Variants in MOBP observed in about 807,000 individuals in gnomAD.
MOBP encodes the protein myelin-associated oligodendrocyte basic protein.
MOBP carries 5 observed loss-of-function variants against 15.0 expected under a neutral mutation model. The ratio of observed to expected loss-of-function variants is 0.33; its 90% CI spans 0.17 to 0.70. The LOEUF is 0.70. Among genes scored for constraint, MOBP ranks in the 30% least tolerant of loss-of-function variants. The pLI, the probability that MOBP is intolerant of heterozygous loss-of-function variation, is 0.67. For missense variants in MOBP, 188 were observed against 257.8 expected (o/e 0.73, Z 1.85); for synonymous variants, 88 against 99.0 (o/e 0.89, Z 0.66).
At chr3:39,517,932 T>C (rs2043223056), downstream of MOBP, 1 of 152,216 alleles carries the variant, frequency 6.6e-6, no homozygotes, top group Non-Finnish European at 1.5e-5. Context: ...ATAAACGACA[T>C]TGGTAAACAT....
At chr3:39,492,989 T>C (rs530349387) in intron 2 of MOBP, among the ~76,000 whole-genome samples, 1 of 152,356 alleles carries the variant, frequency 6.6e-6, no homozygotes, top group African/African-American at 2.4e-5. Context: ...CTTCCTGTGA[T>C]ACCATGCAGA....
At chr3:39,525,870 A>G (rs1293407998), downstream of MOBP, 7 of 152,330 alleles carry the variant, frequency 4.6e-5, no homozygotes, top group Non-Finnish European at 7.3e-5. Context: ...AGAAATTCCA[A>G]TATAAAGGCA....
intron 1 of MOBP, among the ~76,000 whole-genome samples, chr3:39,474,646 C>T (rs1002953472): frequency 6.6e-6 from 1 of 152,124 alleles, no homozygotes; most frequent in Non-Finnish European, 1.5e-5. Context: ...CCATTTTTCC[C>T]TAATTGCTTC....
intron 2 of MOBP, among the ~76,000 whole-genome samples, chr3:39,497,355 A>C (rs1370089743): frequency 6.6e-6 from 1 of 152,056 alleles, no homozygotes; most frequent in Non-Finnish European, 1.5e-5. Context: ...TGTTTCCCCA[A>C]CTTTCAGTCT....
At chr3:39,499,833 CG>C (rs1559423244) in intron 2 of MOBP, 1 of 344,994 alleles carries the variant, frequency 2.9e-6, no homozygotes, top group East Asian at 7.9e-5. Flanking sequence ...TGAGGGCTCT[CG>C]GGGGTAATGC....
In MOBP at chr3:39,502,986, C is replaced by A; in HGVS notation, c.*106C>A. The stretch of plus-strand genomic sequence containing the variant: ...GCCCTCTTCAGCCTTATTACCCAAC[C>A]TGTGTAATCAGCTCCCTCCATTAAA... On this transcript the variant is annotated 3_prime_UTR_variant, in exon 4 of 4. Transcript: ENST00000684792. The surrounding 1 kb of genome is among the most constrained non-coding windows in gnomAD (Gnocchi z 6.3). 1.7e-6 allele frequency: 1 copy of A among 603,708 alleles called. No homozygotes were observed. Among genetic ancestry groups the A allele is most frequent in the South Asian group, 2.1e-5 (1 of 47,148 alleles). 37.4% of individuals were successfully genotyped at this position (603,708 alleles called of 1,614,324 possible).
At chr3:39,504,684 A>G (rs1351519196), downstream of MOBP, among the ~76,000 whole-genome samples, 1 of 152,248 alleles carries the variant, frequency 6.6e-6, no homozygotes, top group East Asian at 1.9e-4. Flanking sequence ...TTAGATTCCC[A>G]AAGGTCTTCA....
chr3:39,509,414 T>G (rs558001655), intron 4 of MOBP, among the ~76,000 whole-genome samples: 86 of 152,306 alleles, frequency 5.6e-4, no homozygotes, highest in African/African-American at 1.9e-3. Context: ...CTGATAGGTA[T>G]GTAATGGTAT....
intron 2 of MOBP, among the ~76,000 whole-genome samples, chr3:39,495,105 A>G (rs1016458350): frequency 6.6e-6 from 1 of 152,150 alleles, no homozygotes; most frequent in Non-Finnish European, 1.5e-5. Context: ...GCACATTTTT[A>G]TCCTCACTAG....
At chr3:39,468,795 T>TACAC (rs10675541) in intron 1 of MOBP, among the ~76,000 whole-genome samples, 1 of 104,512 alleles carries the variant, frequency 9.6e-6, no homozygotes, top group African/African-American at 5.5e-5. Context: ...CATGTGTGTG[T>TACAC]ATATATACAT....
rs138776423 is a variant in MOBP at position 39,492,961 on chromosome 3, A to ACC, written c.-4-9103_-4-9102dup. ...CTACCCTTCATTCTGCAAACTCTAT[A>ACC]CCCGTTTGCATGTCTGACTTCCTGT... On this transcript the variant is annotated intron_variant, in intron 2 of 3. Transcript: ENST00000684792. 5.6e-3 allele frequency among the ~76,000 whole-genome samples: 849 copies of ACC among 152,250 alleles called. 5 individuals are homozygous for ACC. The highest frequency in any genetic ancestry group is 0.019 in the African/African-American group (800 of 41,542).
Position 39,508,083 on chromosome 3 carries a change from G to A in MOBP, c.620+5207G>A, listed in dbSNP as rs141149456. Among the ~76,000 whole-genome samples, 121 of 152,292 alleles carry A rather than the reference G, an allele frequency of 7.9e-4. 1 individual carries two copies. Among genetic ancestry groups the A allele is most frequent in the African/African-American group, 2.7e-3 (112 of 41,566 alleles). ...ACTGGAGAACAGCACACAGCAGGAC[G>A]ATAGTAGCTGGGTATAAGCAGAATT... On this transcript the variant is annotated intron_variant, in intron 4 of 4. Transcript: ENST00000311042.
rs1021270903 is a variant in MOBP at position 39,482,115 on chromosome 3, C to T, written c.-5+1992C>T. Among the ~76,000 whole-genome samples, 10 of 152,188 alleles carry T rather than the reference C, an allele frequency of 6.6e-5. 1 individual carries two copies. In the South Asian group the frequency reaches 1.0e-3, roughly 16 times the overall value. On this transcript the variant is annotated intron_variant, in intron 2 of 3. Transcript: ENST00000684792. ...AAAGTGAACTCATGCTTCTGTTTTTCGCCCAAACCTTCTTTTTCTCTAGTA... is the reference window on the plus strand; with the variant it reads ...AAAGTGAACTCATGCTTCTGTTTTTTGCCCAAACCTTCTTTTTCTCTAGTA...
At position 39,503,005 on chromosome 3, in the gene MOBP, C is replaced by A; in HGVS notation, c.*125C>A. On this transcript the variant is annotated 3_prime_UTR_variant, in exon 4 of 4. Transcript: ENST00000684792. The stretch of plus-strand genomic sequence containing the variant: ...CCCAACCTGTGTAATCAGCTCCCTC[C>A]ATTAAATCCCCTCTGTTTGAAATAC... 1 of 576,462 alleles carries A rather than the reference C, an allele frequency of 1.7e-6. No individual in the cohort carries two copies. The highest frequency in any genetic ancestry group is 3.0e-6 in the Non-Finnish European group (1 of 330,090). 35.7% of individuals were successfully genotyped at this position (576,462 alleles called of 1,614,324 possible).
intron 1 of MOBP, among the ~76,000 whole-genome samples, chr3:39,472,594 G>A (rs2042486818): frequency 6.6e-6 from 1 of 152,168 alleles, no homozygotes; most frequent in African/African-American, 2.4e-5. Context: ...ATCCTGGAGT[G>A]AAAAATGAGG....
downstream of MOBP, chr3:39,528,505 A>G (rs2043358239): frequency 6.6e-6 from 1 of 152,256 alleles, no homozygotes; most frequent in Non-Finnish European, 1.5e-5. Context: ...GATGAAATAA[A>G]ATTGCCTGAA....
chr3:39,504,801 A>G (rs541870240), downstream of MOBP, among the ~76,000 whole-genome samples: 8 of 152,368 alleles, frequency 5.3e-5, no homozygotes, highest in African/African-American at 1.9e-4. Flanking sequence ...GTGATGGGAA[A>G]TATTTGCTCT....
chr3:39,475,845 A>G (rs905647944), intron 1 of MOBP, among the ~76,000 whole-genome samples: 7 of 152,178 alleles, frequency 4.6e-5, no homozygotes, highest in South Asian at 2.1e-4. Flanking sequence ...TTAATGAGCC[A>G]TGGTTCCTTT....
intron 2 of MOBP, among the ~76,000 whole-genome samples, chr3:39,497,100 G>T (rs760957022): frequency 6.6e-6 from 1 of 152,178 alleles, no homozygotes; most frequent in Non-Finnish European, 1.5e-5. Context: ...ACCGCACTGG[G>T]CATATTATTT....
Sources: allele counts gnomAD v4.1 joint callset (sites outside exome capture counted in the v4.1 genomes callset), GRCh38; gene constraint gnomAD v4.1.1; non-coding constraint Gnocchi (gnomAD v3.1); transcripts MANE v1.5; gene names NCBI Gene and HGNC (gene_info 2026-07-23, HGNC 2026-07-21).